GALNTL6: variants seen among roughly 807,000 people sequenced by gnomAD.
The protein encoded by GALNTL6 is polypeptide N-acetylgalactosaminyltransferase-like 6.
A neutral mutation model predicts 73.7 loss-of-function variants in GALNTL6; 46 were observed. The ratio of observed to expected loss-of-function variants is 0.62; its 90% CI spans 0.49 to 0.80. GALNTL6 has a LOEUF of 0.80. GALNTL6 is among the 30% of genes least tolerant of loss of function. The pLI is 0.00. For missense variants in GALNTL6, 604 were observed against 755.0 expected, an observed-to-expected ratio of 0.80 and a Z score of 2.34; for synonymous variants, 259 against 263.7, an observed-to-expected ratio of 0.98 and a Z score of 0.17.
intron 10 of GALNTL6, among the ~76,000 whole-genome samples, chr4:172,985,194 G>A (rs928648289): frequency 3.9e-5 from 6 of 152,016 alleles, no homozygotes; most frequent in African/African-American, 1.4e-4. Context: ...AACAGCAAGT[G>A]CCTTCGACAA....
At chr4:172,780,115 G>C (rs539100465) in intron 5 of GALNTL6, among the ~76,000 whole-genome samples, 1 of 144,358 alleles carries the variant, frequency 6.9e-6, no homozygotes, top group East Asian at 2.1e-4. Flanking sequence ...TTTATTCTTG[G>C]CTTTTTTTTT....
chr4:172,168,775 A>G (rs1210287409), intron 2 of GALNTL6, among the ~76,000 whole-genome samples: 1 of 152,222 alleles, frequency 6.6e-6, no homozygotes, highest in Admixed American at 6.5e-5. Context: ...TTACAGGCCA[A>G]AACATAAAGA....
chr4:172,063,014 T>C (rs921207702), intron 2 of GALNTL6, among the ~76,000 whole-genome samples: 1 of 152,228 alleles, frequency 6.6e-6, no homozygotes, highest in African/African-American at 2.4e-5. Context: ...CTAGGAGCTA[T>C]GTAATACCAA....
chr4:172,297,849 C>A (rs893466653), intron 3 of GALNTL6, among the ~76,000 whole-genome samples: 1 of 151,784 alleles, frequency 6.6e-6, no homozygotes, highest in Non-Finnish European at 1.5e-5. Flanking sequence ...TTTTTTGGTT[C>A]CATATGAATT....
intron 2 of GALNTL6, among the ~76,000 whole-genome samples, chr4:172,047,177 G>A (rs955155034): frequency 1.3e-5 from 2 of 152,040 alleles, no homozygotes; most frequent in African/African-American, 2.4e-5. Context: ...TTTGGCCTCC[G>A]GACGCTCCCC....
chr4:172,384,297 C>A (rs1054822642), intron 5 of GALNTL6, among the ~76,000 whole-genome samples: 14 of 152,012 alleles, frequency 9.2e-5, no homozygotes, highest in African/African-American at 3.1e-4. Flanking sequence ...ATAGATCTTT[C>A]CAGATTTTTT....
In GALNTL6 at chr4:172,711,721, T is replaced by G. The variant is rs145663874; in HGVS notation, c.554-97640T>G. ...TTTCCAAGTAGATGTGCTGAGTGGG[T>G]AGTTACAGGTATGCAGATGGACTTC... On this transcript the variant is annotated intron_variant, in intron 5 of 12. Transcript: ENST00000506823. Among the ~76,000 whole-genome samples, 263 of 152,196 alleles carry G rather than the reference T, an allele frequency of 1.7e-3. 1 individual carries two copies. Among genetic ancestry groups the G allele is most frequent in the African/African-American group, 6.2e-3 (256 of 41,508 alleles).
intron 7 of GALNTL6, among the ~76,000 whole-genome samples, chr4:172,878,808 C>T (rs1055751802): frequency 2.0e-5 from 3 of 151,694 alleles, no homozygotes; most frequent in African/African-American, 4.8e-5. Context: ...AGTAAGTGAT[C>T]TAAATAATCC....
chr4:172,171,200 G>A (rs1053401408), intron 2 of GALNTL6, among the ~76,000 whole-genome samples: 4 of 152,138 alleles, frequency 2.6e-5, no homozygotes, highest in African/African-American at 4.8e-5. Context: ...CCTCACGGAA[G>A]AAGCATAACC....
intron 7 of GALNTL6, among the ~76,000 whole-genome samples, chr4:172,862,479 A>G (rs1353056803): frequency 6.6e-6 from 1 of 152,224 alleles, no homozygotes; most frequent in Non-Finnish European, 1.5e-5. Context: ...TGGGTGGATT[A>G]CAAGGTCAGG....
intron 5 of GALNTL6, among the ~76,000 whole-genome samples, chr4:172,543,588 G>A (rs994333344): frequency 3.9e-5 from 6 of 152,140 alleles, no homozygotes; most frequent in African/African-American, 1.2e-4. Context: ...ATTTCAAAGC[G>A]ACAGAGAAAG....
At position 172,948,452 on chromosome 4, in the gene GALNTL6, G is replaced by A. The variant is rs1749276522; in HGVS notation, c.1150-3585G>A. Among the ~76,000 whole-genome samples the A allele has an allele frequency of 2.0e-5, 3 of 151,588 alleles. No individual in the cohort carries two copies. The South Asian group carries it at 6.3e-4, about 32-fold the overall frequency. The stretch of plus-strand genomic sequence containing the variant: ...GATTTTTCTTTTTGCTGTTGTTGTT[G>A]CTGTTTTGTTTTTCTTTGAGACAGA... On this transcript the variant is annotated intron_variant, in intron 9 of 12. Transcript: ENST00000506823.
At chr4:172,921,419 G>A (rs1261960481) in intron 8 of GALNTL6, among the ~76,000 whole-genome samples, 1 of 152,062 alleles carries the variant, frequency 6.6e-6, no homozygotes, top group East Asian at 1.9e-4. Flanking sequence ...CAAATTTCAG[G>A]TTGTGGCTGA....
chr4:172,803,477 A>G lies in GALNTL6; in HGVS notation c.554-5884A>G, dbSNP rs577262173. On this transcript the variant is annotated intron_variant, in intron 5 of 12. Transcript: ENST00000506823. Reference sequence around the variant, plus strand: ...AGCCCCCATGGAAAAATTGTCTTCCATGTAACTGGCCCCTGGTGCCAAAAA... The same window carrying G: ...AGCCCCCATGGAAAAATTGTCTTCCGTGTAACTGGCCCCTGGTGCCAAAAA... 1.8e-4 allele frequency among the ~76,000 whole-genome samples: 28 copies of G among 152,330 alleles called. No individual in the cohort carries two copies. The East Asian group carries it at 4.8e-3, about 26-fold the overall frequency.
intron 2 of GALNTL6, among the ~76,000 whole-genome samples, chr4:172,135,338 T>C (rs1733607674): frequency 1.3e-5 from 2 of 152,082 alleles, no homozygotes; most frequent in Non-Finnish European, 2.9e-5. Context: ...CTGGATGCTG[T>C]ACTGGATTCA....
At chr4:172,930,572 A>G (rs1748279901) in intron 8 of GALNTL6, among the ~76,000 whole-genome samples, 1 of 152,246 alleles carries the variant, frequency 6.6e-6, no homozygotes, top group Admixed American at 6.5e-5. Flanking sequence ...TAAGATGTCT[A>G]AGCATGAAAT....
intron 2 of GALNTL6, among the ~76,000 whole-genome samples, chr4:171,950,487 T>TC (rs1276017617): frequency 6.7e-6 from 1 of 148,594 alleles, no homozygotes; most frequent in Non-Finnish European, 1.5e-5. Flanking sequence ...CTTTTCTTTT[T>TC]TTTTTTTTTT....
At chr4:172,218,071 G>A (rs1028777181) in intron 2 of GALNTL6, among the ~76,000 whole-genome samples, 2 of 152,062 alleles carry the variant, frequency 1.3e-5, no homozygotes, top group African/African-American at 4.8e-5. Context: ...GGATGGGGGA[G>A]GGGAGCATTA....
intron 5 of GALNTL6, among the ~76,000 whole-genome samples, chr4:172,808,535 T>C (rs1741107011): frequency 1.3e-5 from 2 of 152,138 alleles, no homozygotes; most frequent in African/African-American, 4.8e-5. Flanking sequence ...TAGGGCAGAA[T>C]GAAAGCAGAG....
Sources: gnomAD v4.1 joint callset for allele counts (sites outside exome capture counted in the v4.1 genomes callset) on GRCh38, gnomAD v4.1.1 for gene constraint, MANE v1.5 for transcripts, NCBI Gene and HGNC (gene_info 2026-07-23, HGNC 2026-07-21) for gene names.